The following DRC11 variants were observed in gnomAD, a reference collection of about 807,000 sequenced individuals.
DRC11 encodes the protein IQ and AAA domain-containing protein 1.
At chr2:236,357,855 TATATACTATATAAATATAC>T in the DRC11 span, among the ~76,000 whole-genome samples, 2 of 125,026 alleles carry the variant, frequency 1.6e-5, no homozygotes, top group African/African-American at 3.2e-5. Context: ...AATATATAAA[TATATACTATATAAATATAC>T]ATATACTATA....
the DRC11 span, among the ~76,000 whole-genome samples, chr2:236,415,010 T>A: frequency 6.6e-6 from 1 of 152,186 alleles, no homozygotes; most frequent in South Asian, 2.1e-4. The surrounding 1 kb of genome is among the most constrained non-coding windows in gnomAD (Gnocchi z 5.7). Flanking sequence ...TTTGCACTTA[T>A]AATAGATTTT....
At chr2:236,366,895 G>A in the DRC11 span, among the ~76,000 whole-genome samples, 5 of 151,044 alleles carry the variant, frequency 3.3e-5, no homozygotes, top group South Asian at 2.1e-4. Flanking sequence ...GTGCAATGGC[G>A]TGATCCCGGG....
the DRC11 span, among the ~76,000 whole-genome samples, chr2:236,500,962 T>C: frequency 1.3e-5 from 2 of 152,152 alleles, no homozygotes; most frequent in Non-Finnish European, 2.9e-5. The surrounding 1 kb of genome is among the most constrained non-coding windows in gnomAD (Gnocchi z 6.3). Context: ...CCTCCCAAAG[T>C]GCTGGGATTA....
the DRC11 span, among the ~76,000 whole-genome samples, chr2:236,443,084 C>T: frequency 1.3e-5 from 2 of 152,052 alleles, no homozygotes; most frequent in Non-Finnish European, 2.9e-5. This position sits in a 1 kb window ranked among gnomAD's most constrained non-coding sequence, Gnocchi z 4.4. Flanking sequence ...TCACATAGAA[C>T]GTTAAAAAGC....
At chr2:236,351,515 C>T in the DRC11 span, among the ~76,000 whole-genome samples, 2 of 152,160 alleles carry the variant, frequency 1.3e-5, no homozygotes, top group Admixed American at 6.5e-5. The surrounding 1 kb of genome is among the most constrained non-coding windows in gnomAD (Gnocchi z 7.3). Context: ...GAAAAGTGCA[C>T]GGCCATGCTA....
chr2:236,377,837 G>T, the DRC11 span, among the ~76,000 whole-genome samples: 11 of 152,176 alleles, frequency 7.2e-5, no homozygotes, highest in Non-Finnish European at 1.6e-4. The surrounding 1 kb of genome is among the most constrained non-coding windows in gnomAD (Gnocchi z 4.9). Flanking sequence ...GAAAAAAATG[G>T]ACATAGTATC....
the DRC11 span, among the ~76,000 whole-genome samples, chr2:236,401,524 C>T: frequency 1.1e-4 from 16 of 152,314 alleles, no homozygotes; most frequent in East Asian, 2.9e-3. This position sits in a 1 kb window ranked among gnomAD's most constrained non-coding sequence, Gnocchi z 4.6. Context: ...AGTATAGGCT[C>T]AATCCATGGA....
chr2:236,421,121 T>C, the DRC11 span, among the ~76,000 whole-genome samples: 6 of 152,186 alleles, frequency 3.9e-5, no homozygotes, highest in East Asian at 9.7e-4. Flanking sequence ...TCAGTTAAAA[T>C]TGACACCCTA....
At chr2:236,330,596 C>T in the DRC11 span, among the ~76,000 whole-genome samples, 119 of 152,266 alleles carry the variant, frequency 7.8e-4, no homozygotes, top group Non-Finnish European at 1.1e-3. This position sits in a 1 kb window ranked among gnomAD's most constrained non-coding sequence, Gnocchi z 5.5. Context: ...TAAGCAGGCT[C>T]CCAGAGATAG....
At chr2:236,335,571 TGTG>T in the DRC11 span, among the ~76,000 whole-genome samples, 1 of 152,196 alleles carries the variant, frequency 6.6e-6, no homozygotes, top group Non-Finnish European at 1.5e-5. This position sits in a 1 kb window ranked among gnomAD's most constrained non-coding sequence, Gnocchi z 5.6. Flanking sequence ...CTAAGCGATG[TGTG>T]GTGTTTTATC....
the DRC11 span, among the ~76,000 whole-genome samples, chr2:236,357,645 T>TATA: frequency 1.6e-5 from 2 of 126,676 alleles, no homozygotes; most frequent in East Asian, 4.6e-4. Flanking sequence ...AATATGTAAA[T>TATA]ATATAAATTA....
the DRC11 span, among the ~76,000 whole-genome samples, chr2:236,400,817 G>A: frequency 6.6e-6 from 1 of 152,134 alleles, no homozygotes; most frequent in Non-Finnish European, 1.5e-5. The surrounding 1 kb of genome is among the most constrained non-coding windows in gnomAD (Gnocchi z 7.9). Context: ...TGGTTGTGTA[G>A]TATCCATGCA....
chr2:236,415,160 C>A, the DRC11 span, among the ~76,000 whole-genome samples: 1 of 151,944 alleles, frequency 6.6e-6, no homozygotes, highest in African/African-American at 2.4e-5. The surrounding 1 kb of genome is among the most constrained non-coding windows in gnomAD (Gnocchi z 5.7). Flanking sequence ...CCTATCTAAT[C>A]CTATCTGAAT....
chr2:236,309,945 G>A, the DRC11 span, among the ~76,000 whole-genome samples: 2 of 152,350 alleles, frequency 1.3e-5, no homozygotes, highest in African/African-American at 4.8e-5. This position sits in a 1 kb window ranked among gnomAD's most constrained non-coding sequence, Gnocchi z 5.7. Flanking sequence ...AGCAATCTTG[G>A]TGAGAAGAGC....
chr2:236,410,026 G>A, the DRC11 span, among the ~76,000 whole-genome samples: 13 of 151,998 alleles, frequency 8.6e-5, no homozygotes, highest in Admixed American at 1.3e-4. Flanking sequence ...TTTTATTGAG[G>A]ATTTTTGCAT....
At chr2:236,422,387 C>T in the DRC11 span, among the ~76,000 whole-genome samples, 23 of 152,328 alleles carry the variant, frequency 1.5e-4, no homozygotes, top group African/African-American at 5.5e-4. Flanking sequence ...GTGCAAAAAT[C>T]ACAAGCATTC....
At chr2:236,380,309 T>G in the DRC11 span, among the ~76,000 whole-genome samples, 1 of 152,172 alleles carries the variant, frequency 6.6e-6, no homozygotes, top group Admixed American at 6.5e-5. This position sits in a 1 kb window ranked among gnomAD's most constrained non-coding sequence, Gnocchi z 4.9. Context: ...AACAAAAAAC[T>G]TAAACAAAAA....
chr2:236,440,194 T>C, the DRC11 span, among the ~76,000 whole-genome samples: 1 of 152,186 alleles, frequency 6.6e-6, no homozygotes, highest in African/African-American at 2.4e-5. Context: ...AATAAAATGC[T>C]GTATGTTTGA....
the DRC11 span, chr2:236,391,021 A>T: frequency 1.3e-5 from 2 of 152,004 alleles, no homozygotes; most frequent in Non-Finnish European, 1.5e-5. This position sits in a 1 kb window ranked among gnomAD's most constrained non-coding sequence, Gnocchi z 4.5. Flanking sequence ...TCTTCAGTGC[A>T]TCTTTTTTTT....
Sources: gnomAD v4.1 joint callset for allele counts (sites outside exome capture counted in the v4.1 genomes callset) on GRCh38, gnomAD v4.1.1 for gene constraint, Gnocchi (gnomAD v3.1) non-coding constraint, MANE v1.5 for transcripts, NCBI Gene and HGNC (gene_info 2026-07-23, HGNC 2026-07-21) for gene names.